The following TGFBR3 variants were observed in gnomAD, a reference collection of about 807,000 sequenced individuals.
The protein encoded by TGFBR3 is transforming growth factor beta receptor 3, also known as transforming growth factor beta receptor type 3.
In TGFBR3, 46 loss-of-function variants were observed where a neutral mutation model predicts 87.9. The ratio of observed to expected loss-of-function variants is 0.52; its 90% CI spans 0.41 to 0.67. The LOEUF (loss-of-function observed/expected upper bound fraction) is 0.67. TGFBR3 is among the 30% of genes least tolerant of loss of function. TGFBR3 has a pLI of 0.00. For missense variants in TGFBR3, 866 were observed against 1,041.9 expected (o/e 0.83, Z 2.32); for synonymous variants, 381 against 391.6 (o/e 0.97, Z 0.32).
At chr1:91,698,180 A>C in intron 14 of TGFBR3, 50 bp from the exon 15 acceptor site, 1 of 1,497,400 alleles carries the variant, frequency 6.7e-7, no homozygotes, top group Non-Finnish European at 9.3e-7. Flanking sequence ...ACCAAGATTT[A>C]AGCAAAGGGT....
intron 4 of TGFBR3, among the ~76,000 whole-genome samples, chr1:91,755,643 C>T (rs1571477186): frequency 6.6e-6 from 1 of 152,158 alleles, no homozygotes; most frequent in East Asian, 1.9e-4. Context: ...AAAGCGGCCA[C>T]CTTCTTTCAT....
chr1:91,685,315 CTTTTTTT>C (rs71585124), intron 16 of TGFBR3, among the ~76,000 whole-genome samples: 2 of 100,666 alleles, frequency 2.0e-5, no homozygotes, highest in Non-Finnish European at 3.8e-5. Flanking sequence ...GAAGCACTGC[CTTTTTTT>C]TTTTTTTTTT....
At chr1:91,856,175 G>A (rs1677943563) in intron 2 of TGFBR3, among the ~76,000 whole-genome samples, 1 of 152,150 alleles carries the variant, frequency 6.6e-6, no homozygotes, top group South Asian at 2.1e-4. Flanking sequence ...CCATTCTTCT[G>A]CCTCAGCCTC....
chr1:91,871,507 A>G (rs1470159857), intron 1 of TGFBR3, among the ~76,000 whole-genome samples: 2 of 152,214 alleles, frequency 1.3e-5, no homozygotes, highest in Admixed American at 1.3e-4. Flanking sequence ...CAAATAAATA[A>G]TATGTCAAGG....
chr1:91,780,924 CACACACACAG>C (rs1185222723), intron 3 of TGFBR3, among the ~76,000 whole-genome samples: 36 of 138,602 alleles, frequency 2.6e-4, no homozygotes, highest in African/African-American at 5.2e-4. Context: ...CACACACACA[CACACACACAG>C]AGATCTCATC....
At chr1:91,755,659 G>A (rs537352787) in intron 4 of TGFBR3, among the ~76,000 whole-genome samples, 2 of 152,278 alleles carry the variant, frequency 1.3e-5, no homozygotes, top group African/African-American at 4.8e-5. Context: ...TTCATTGTTA[G>A]TGTCTAAACT....
At chr1:91,799,517 T>A (rs576426042) in intron 2 of TGFBR3, among the ~76,000 whole-genome samples, 60 of 152,268 alleles carry the variant, frequency 3.9e-4, no homozygotes, top group African/African-American at 1.4e-3. Context: ...ACCCAGAGCT[T>A]CAAGAAATTA....
intron 3 of TGFBR3, among the ~76,000 whole-genome samples, chr1:91,775,100 T>C (rs1304863356): frequency 6.6e-6 from 1 of 152,174 alleles, no homozygotes; most frequent in Non-Finnish European, 1.5e-5. Flanking sequence ...AGCCCAAATA[T>C]CCACTCTAGT....
chr1:91,757,131 G>C (rs1673772893), intron 4 of TGFBR3, among the ~76,000 whole-genome samples: 1 of 152,028 alleles, frequency 6.6e-6, no homozygotes, highest in Non-Finnish European at 1.5e-5. Flanking sequence ...TTGTCTTTTT[G>C]TCTCCTCTAA....
At chr1:91,691,107 A>C (rs1024191713) in intron 16 of TGFBR3, among the ~76,000 whole-genome samples, 1 of 152,258 alleles carries the variant, frequency 6.6e-6, no homozygotes, top group African/African-American at 2.4e-5. Context: ...TAAAGATGAG[A>C]CAATCTCCCA....
intron 2 of TGFBR3, among the ~76,000 whole-genome samples, chr1:91,895,768 TG>T (rs1238759165): frequency 1.3e-5 from 2 of 152,234 alleles, no homozygotes; most frequent in African/African-American, 4.8e-5. Flanking sequence ...GAAAATCAAA[TG>T]TAACAATGAA....
intron 14 of TGFBR3, among the ~76,000 whole-genome samples, chr1:91,707,783 T>C (rs1671843976): frequency 6.6e-6 from 1 of 152,226 alleles, no homozygotes; most frequent in Non-Finnish European, 1.5e-5. Context: ...ACAACTGTAA[T>C]TGCCTAGATA....
intron 1 of TGFBR3, among the ~76,000 whole-genome samples, chr1:91,901,942 G>C (rs199674909): frequency 8.2e-6 from 1 of 122,032 alleles, no homozygotes; most frequent in African/African-American, 3.2e-5. Context: ...CCCACCAAAA[G>C]AAAAAAAAAA....
chr1:91,773,655 C>T (rs541925997), intron 3 of TGFBR3, among the ~76,000 whole-genome samples: 1 of 152,308 alleles, frequency 6.6e-6, no homozygotes, highest in East Asian at 1.9e-4. Flanking sequence ...GCACTCCAGT[C>T]TGGGCAACAG....
At chr1:91,818,022 T>C (rs1477786966) in intron 2 of TGFBR3, among the ~76,000 whole-genome samples, 1 of 152,156 alleles carries the variant, frequency 6.6e-6, no homozygotes, top group Non-Finnish European at 1.5e-5. Context: ...ATTTTTATTT[T>C]TCCCCCACTC....
rs534542506 is a variant in TGFBR3 at position 91,840,461 on chromosome 1, A to G, written c.61+21010T>C. Among the ~76,000 whole-genome samples, 235 of 145,220 alleles carry G rather than the reference A, an allele frequency of 1.6e-3. 1 individual carries two copies. Among genetic ancestry groups the G allele is most frequent in the African/African-American group, 5.8e-3 (229 of 39,498 alleles). The stretch of plus-strand genomic sequence containing the variant: ...ATATCATGCATGATTTTGTAATATC[A>G]TGCATGATTTTGTAATATCATGCAT... On this transcript the variant is annotated intron_variant, in intron 2 of 16. Coordinates refer to ENST00000212355, the MANE Select transcript of TGFBR3 (RefSeq NM_003243.5).
chr1:91,781,537 G>A (rs1162174133), intron 3 of TGFBR3, among the ~76,000 whole-genome samples: 1 of 152,074 alleles, frequency 6.6e-6, no homozygotes, highest in African/African-American at 2.4e-5. Flanking sequence ...TCAGAGCCAA[G>A]ATAAAGGATA....
intron 14 of TGFBR3, among the ~76,000 whole-genome samples, chr1:91,705,813 A>G (rs1281089772): frequency 6.6e-6 from 1 of 152,234 alleles, no homozygotes; most frequent in East Asian, 1.9e-4. Context: ...CTTCTCAACT[A>G]AAATCTAGTC....
At chr1:91,781,428 C>A (rs1476110413) in intron 3 of TGFBR3, among the ~76,000 whole-genome samples, 2 of 152,170 alleles carry the variant, frequency 1.3e-5, no homozygotes, top group African/African-American at 4.8e-5. Context: ...GAACATGCTG[C>A]GCTGCCTGTG....
Sources: gnomAD v4.1 joint callset for allele counts (sites outside exome capture counted in the v4.1 genomes callset) on GRCh38, gnomAD v4.1.1 for gene constraint, MANE v1.5 for transcripts, NCBI Gene and HGNC (gene_info 2026-07-23, HGNC 2026-07-21) for gene names.